Variants in FRS2 observed in about 807,000 individuals in gnomAD.
FRS2 encodes the protein FGFR signalling adaptor.
A neutral mutation model predicts 43.9 loss-of-function variants in FRS2; 8 were observed. That is an observed-to-expected ratio of 0.18 (90% CI 0.11 to 0.33). The LOEUF (loss-of-function observed/expected upper bound fraction) is 0.33. Among genes scored for constraint, FRS2 ranks in the 10% least tolerant of loss-of-function variants. FRS2 has a pLI of 1.00. For synonymous variants in FRS2, 219 were observed against 220.3 expected, an observed-to-expected ratio of 0.99 and a Z score of 0.05; for missense variants, 534 against 627.6, an observed-to-expected ratio of 0.85 and a Z score of 1.59.
At chr12:69,518,459 G>A (rs1410179651) in intron 1 of FRS2, among the ~76,000 whole-genome samples, 1 of 152,016 alleles carries the variant, frequency 6.6e-6, no homozygotes, top group Non-Finnish European at 1.5e-5. Flanking sequence ...TGTAATCCTA[G>A]CACTTTGGGA....
intron 4 of FRS2, among the ~76,000 whole-genome samples, chr12:69,568,575 G>C (rs112647685): frequency 2.7e-5 from 4 of 149,672 alleles, no homozygotes; most frequent in Admixed American, 6.7e-5. Context: ...CTCTCTCTCT[G>C]TCTCTCTCTC....
chr12:69,573,191 T>A (rs1225596762), intron 8 of FRS2, among the ~76,000 whole-genome samples: 2 of 152,266 alleles, frequency 1.3e-5, no homozygotes, highest in Non-Finnish European at 2.9e-5. Context: ...TAAATAGTGA[T>A]AATTTCTTAC....
At chr12:69,522,995 A>G (rs1459305585) in intron 1 of FRS2, among the ~76,000 whole-genome samples, 1 of 152,222 alleles carries the variant, frequency 6.6e-6, no homozygotes, top group Non-Finnish European at 1.5e-5. Context: ...GATTGTTTAT[A>G]TTCAATTGTG....
chr12:69,531,567 T>C (rs1026972843), intron 2 of FRS2, among the ~76,000 whole-genome samples: 5 of 152,076 alleles, frequency 3.3e-5, no homozygotes, highest in Non-Finnish European at 7.4e-5. Flanking sequence ...GGTGAAAATA[T>C]TATGGAATTA....
intron 1 of FRS2, among the ~76,000 whole-genome samples, chr12:69,522,190 TTGTGTGTGTGTGTGTGTGTGTG>T (rs201103216): frequency 5.9e-4 from 80 of 134,820 alleles, no homozygotes; most frequent in African/African-American, 2.1e-3. Flanking sequence ...GAAGTTTTCT[TTGTGTGTGTGTGTGTGTGTGTG>T]TGTGTGTGTG....
intron 3 of FRS2, among the ~76,000 whole-genome samples, chr12:69,544,863 A>G (rs1878233236): frequency 6.6e-6 from 1 of 152,186 alleles, no homozygotes. Context: ...CACTTTCACC[A>G]ATTCTATTAA....
intron 3 of FRS2, among the ~76,000 whole-genome samples, chr12:69,557,621 C>T (rs12321202): frequency 0.12 from 9,448 of 81,974 alleles, 512 homozygotes; most frequent in African/African-American, 0.28. Flanking sequence ...TGTGTGTGTG[C>T]GCGCGCGCGC....
chr12:69,478,043 T>A (rs1302273681), intron 1 of FRS2, among the ~76,000 whole-genome samples: 3 of 152,154 alleles, frequency 2.0e-5, no homozygotes, highest in African/African-American at 7.2e-5. Context: ...GCCCGGCTGT[T>A]TATTTATTTT....
chr12:69,517,921 G>A (rs1875218544), intron 1 of FRS2, among the ~76,000 whole-genome samples: 1 of 151,978 alleles, frequency 6.6e-6, no homozygotes, highest in Admixed American at 6.6e-5. Flanking sequence ...TTGTAATGTG[G>A]CAAATTTATA....
intron 3 of FRS2, among the ~76,000 whole-genome samples, chr12:69,560,189 G>A (rs1459366945): frequency 4.6e-5 from 7 of 152,180 alleles, no homozygotes; most frequent in East Asian, 1.9e-4. Context: ...CAGTGCAAAC[G>A]TGTTCTTTGT....
intron 3 of FRS2, 75 bp from the exon 4 acceptor site, chr12:69,562,103 CTG>C (rs2135779408): frequency 2.5e-6 from 1 of 394,564 alleles, no homozygotes. Context: ...ACTGAACTAA[CTG>C]TGCTGCCAGA....
rs1248553864 is a variant in FRS2 at position 69,577,139 on chromosome 12, G to T, written c.*2184G>T. ...GTCATCCTTTTCATTGTTTCCCCCG[G>T]ATTCTAATTAGTTTTTATTTTTTTT... On this transcript the variant is annotated 3_prime_UTR_variant, in exon 9 of 9. Transcript: ENST00000549921. The T allele has an allele frequency of 6.6e-6, 1 of 151,918 alleles. No individual in the cohort carries two copies. Among genetic ancestry groups the T allele is most frequent in the Admixed American group, 6.6e-5 (1 of 15,244 alleles). 9.4% of individuals were successfully genotyped at this position (151,918 alleles called of 1,614,324 possible).
At chr12:69,536,103 T>C (rs1434381013) in intron 3 of FRS2, among the ~76,000 whole-genome samples, 1 of 22,296 alleles carries the variant, frequency 4.5e-5, no homozygotes, top group Non-Finnish European at 8.3e-5. Context: ...TTTTCATTCT[T>C]TTTTTTTTTT....
At chr12:69,558,657 T>C (rs901081530) in intron 3 of FRS2, among the ~76,000 whole-genome samples, 1 of 152,198 alleles carries the variant, frequency 6.6e-6, no homozygotes, top group South Asian at 2.1e-4. Flanking sequence ...CAGGGAGACT[T>C]TTTTGATGCT....
At chr12:69,481,193 A>G (rs568870642) in intron 1 of FRS2, among the ~76,000 whole-genome samples, 3 of 152,142 alleles carry the variant, frequency 2.0e-5, no homozygotes, top group Admixed American at 2.0e-4. Context: ...AGTAGATTGT[A>G]TGCCTTTTAC....
At chr12:69,503,145 C>G (rs550143903) in intron 1 of FRS2, among the ~76,000 whole-genome samples, 59 of 152,316 alleles carry the variant, frequency 3.9e-4, no homozygotes, top group African/African-American at 1.4e-3. Flanking sequence ...GAGTTCCTTG[C>G]AGCTGTAGGA....
chr12:69,570,296 GAC>G (rs1268342163), intron 5 of FRS2, 33 bp from the exon 6 acceptor site: 2 of 1,484,626 alleles, frequency 1.3e-6, no homozygotes, highest in Admixed American at 1.7e-5. Context: ...ACGAATTGGT[GAC>G]ATATTTGCAT....
At chr12:69,477,319 C>T (rs1870891383) in intron 1 of FRS2, among the ~76,000 whole-genome samples, 1 of 137,872 alleles carries the variant, frequency 7.3e-6, no homozygotes, top group African/African-American at 2.7e-5. Flanking sequence ...CTCGCTGTGT[C>T]CCCCAGGTTG....
intron 1 of FRS2, among the ~76,000 whole-genome samples, chr12:69,472,232 A>G (rs1870370248): frequency 6.7e-6 from 1 of 148,840 alleles, no homozygotes; most frequent in African/African-American, 2.5e-5. Context: ...GACTATAGGC[A>G]CCAACCACCA....
Sources: gnomAD v4.1 joint callset for allele counts (sites outside exome capture counted in the v4.1 genomes callset) on GRCh38, gnomAD v4.1.1 for gene constraint, MANE v1.5 for transcripts, NCBI Gene and HGNC (gene_info 2026-07-23, HGNC 2026-07-21) for gene names.